RIPOR2: variants seen among roughly 807,000 people sequenced by gnomAD.
RIPOR2 encodes the protein RHO family interacting cell polarization regulator 2, also known as rho family-interacting cell polarization regulator 2.
Under a neutral mutation model 114.5 loss-of-function variants are expected in RIPOR2, and 39 were observed. That is an observed-to-expected ratio of 0.34 (90% CI 0.26 to 0.44). The LOEUF (loss-of-function observed/expected upper bound fraction) is 0.44. RIPOR2 is among the 20% of genes least tolerant of loss of function. RIPOR2 has a pLI of 1.00. For synonymous variants in RIPOR2, 445 were observed against 484.4 expected, an observed-to-expected ratio of 0.92 and a Z score of 1.07; for missense variants, 1,007 against 1,255.1, an observed-to-expected ratio of 0.80 and a Z score of 2.99.
chr6:24,863,168 G>A (rs1764246245), intron 7 of RIPOR2, among the ~76,000 whole-genome samples: 4 of 152,074 alleles, frequency 2.6e-5, no homozygotes, highest in Admixed American at 2.0e-4. Flanking sequence ...GGCTGGGCTA[G>A]TCTTGAACTC....
intron 1 of RIPOR2, among the ~76,000 whole-genome samples, chr6:24,990,017 T>A (rs562913620): frequency 6.6e-6 from 1 of 152,002 alleles, no homozygotes; most frequent in African/African-American, 2.4e-5. Context: ...GGCTATAGCA[T>A]GAGTCTCAAA....
At position 25,034,178 on chromosome 6, in the gene RIPOR2, TTCTCTC is replaced by T. The variant is rs910172050; in HGVS notation, c.76+7667_76+7672del. ...TGAGGGCTGGGAATTCTAGATGACT[TTCTCTC>T]TGTTGTATGTTTCTGTATTGTTTGA... On this transcript the variant is annotated intron_variant, in intron 1 of 13. Transcript: ENST00000510784. Among the ~76,000 whole-genome samples the T allele has an allele frequency of 3.3e-5, 5 of 152,116 alleles. No individual in the cohort carries two copies. The South Asian group carries it at 8.3e-4, about 25-fold the overall frequency.
In RIPOR2 at chr6:25,031,698, GTTATATAT is replaced by G. The variant is rs1285235963; in HGVS notation, c.76+10145_76+10152del. ...GGTTAGGTATGTGATGTAGGTGGTAGTTATATATATATATATATATATATATATATATA... is the reference window on the plus strand; with the variant it reads ...GGTTAGGTATGTGATGTAGGTGGTAGATATATATATATATATATATATATA... On this transcript the variant is annotated intron_variant, in intron 1 of 13. Transcript: ENST00000510784. Among the ~76,000 whole-genome samples, 257 of 48,002 alleles carry G rather than the reference GTTATATAT, an allele frequency of 5.4e-3. 3 individuals are homozygous for G. Among genetic ancestry groups the G allele is most frequent in the Middle Eastern group, 0.028 (1 of 36 alleles). The allele number at this position is 48,002 out of a possible 152,430, so 31.5% of individuals were successfully genotyped here.
chr6:24,966,408 A>G (rs1773530720), intron 1 of RIPOR2, among the ~76,000 whole-genome samples: 1 of 152,218 alleles, frequency 6.6e-6, no homozygotes. Flanking sequence ...TATTAAGTTT[A>G]CAAAATTACC....
chr6:24,839,307 C>T, intron 13 of RIPOR2, 35 bp from the exon 14 acceptor site: 1 of 1,527,444 alleles, frequency 6.5e-7, no homozygotes, highest in Non-Finnish European at 8.8e-7. Flanking sequence ...AGAACATCAA[C>T]ATATCCGGAA....
intron 1 of RIPOR2, among the ~76,000 whole-genome samples, chr6:24,951,593 C>G (rs1224555963): frequency 6.6e-6 from 1 of 152,206 alleles, no homozygotes; most frequent in Non-Finnish European, 1.5e-5. Flanking sequence ...TTCTGCTACT[C>G]TAGTTGTTTT....
intron 14 of RIPOR2, 121 bp downstream of exon 14, chr6:24,838,970 C>T (rs1761367560): frequency 6.9e-6 from 5 of 729,248 alleles, no homozygotes; most frequent in Non-Finnish European, 1.1e-5. Context: ...GCCAACTGGT[C>T]ACTCATGTGG....
chr6:24,849,241 C>T (rs990711281), intron 11 of RIPOR2, among the ~76,000 whole-genome samples: 2 of 152,098 alleles, frequency 1.3e-5, no homozygotes, highest in African/African-American at 2.4e-5. Flanking sequence ...CCTTTCTCAC[C>T]GGGTGAATTT....
At chr6:24,961,520 T>C (rs2114221709) in intron 1 of RIPOR2, among the ~76,000 whole-genome samples, 1 of 152,298 alleles carries the variant, frequency 6.6e-6, no homozygotes, top group South Asian at 2.1e-4. Context: ...TCTCCAAGCC[T>C]CACTTTCCTT....
intron 4 of RIPOR2, among the ~76,000 whole-genome samples, chr6:24,872,609 A>T (rs961744850): frequency 8.5e-5 from 13 of 152,132 alleles, no homozygotes; most frequent in South Asian, 2.1e-4. Context: ...GACATTAAAA[A>T]TTTTTTTCCT....
At chr6:24,946,761 G>T (rs599699) in intron 1 of RIPOR2, among the ~76,000 whole-genome samples, 7,711 of 152,180 alleles carry the variant, frequency 0.051, 330 homozygotes, top group African/African-American at 0.11. Context: ...CCATCCCTTT[G>T]CACATACTAG....
At chr6:25,020,090 T>G (rs923257691) in intron 1 of RIPOR2, among the ~76,000 whole-genome samples, 1 of 152,190 alleles carries the variant, frequency 6.6e-6, no homozygotes, top group African/African-American at 2.4e-5. Context: ...TATAGTTCTT[T>G]ACTTTAAAAA....
chr6:24,906,128 ATTG>A (rs71808232), intron 1 of RIPOR2, among the ~76,000 whole-genome samples: 25,769 of 152,052 alleles, frequency 0.17, 2,217 homozygotes, highest in South Asian at 0.23. Flanking sequence ...TTGTTTCACA[ATTG>A]TTCTTATCTG....
chr6:24,916,357 A>C (rs759748258), intron 1 of RIPOR2, among the ~76,000 whole-genome samples: 1 of 152,198 alleles, frequency 6.6e-6, no homozygotes, highest in Non-Finnish European at 1.5e-5. Flanking sequence ...TCAATCACAC[A>C]TCTTCCATTT....
intron 1 of RIPOR2, among the ~76,000 whole-genome samples, chr6:24,918,478 C>T (rs905666182): frequency 6.6e-6 from 1 of 152,030 alleles, no homozygotes; most frequent in Admixed American, 6.5e-5. Flanking sequence ...TTTCCAACTC[C>T]CTGCCCCCAC....
intron 1 of RIPOR2, among the ~76,000 whole-genome samples, chr6:24,951,151 A>G (rs1358328781): frequency 2.0e-5 from 3 of 152,240 alleles, no homozygotes; most frequent in Non-Finnish European, 4.4e-5. Context: ...CTGAGAGAGT[A>G]GTGGGTGGTC....
chr6:24,996,419 T>G (rs1775048788), intron 1 of RIPOR2, among the ~76,000 whole-genome samples: 1 of 152,170 alleles, frequency 6.6e-6, no homozygotes, highest in South Asian at 2.1e-4. Context: ...GAGGTGGGGA[T>G]CACAGTGAGC....
At chr6:25,031,731 A>G (rs796250533) in intron 1 of RIPOR2, among the ~76,000 whole-genome samples, 2,567 of 110,614 alleles carry the variant, frequency 0.023, 96 homozygotes, top group South Asian at 0.034. Flanking sequence ...ATATATATAT[A>G]TATATATATA....
upstream of RIPOR2, among the ~76,000 whole-genome samples, chr6:24,939,657 G>C (rs954076924): frequency 4.2e-4 from 64 of 152,336 alleles, no homozygotes; most frequent in Non-Finnish European, 9.3e-4. Flanking sequence ...TCAGTGCTTA[G>C]TTAAGGGAGA....
Sources: gnomAD v4.1 joint callset for allele counts (sites outside exome capture counted in the v4.1 genomes callset) on GRCh38, gnomAD v4.1.1 for gene constraint, MANE v1.5 for transcripts, NCBI Gene and HGNC (gene_info 2026-07-23, HGNC 2026-07-21) for gene names.